The following CD80 variants were observed in gnomAD, a reference collection of about 807,000 sequenced individuals.
CD80 encodes the protein T-lymphocyte activation antigen CD80.
CD80 carries 13 observed loss-of-function variants against 27.1 expected under a neutral mutation model. The ratio of observed to expected loss-of-function variants is 0.48; its 90% CI spans 0.31 to 0.76. The LOEUF is 0.76. Among genes scored for constraint, CD80 ranks in the 30% least tolerant of loss-of-function variants. The pLI is 0.04. For synonymous variants in CD80, 125 were observed against 125.5 expected (o/e 1.00, Z 0.03); for missense variants, 277 against 347.9 (o/e 0.80, Z 1.62).
intron 6 of CD80, 103 bp downstream of exon 6, chr3:119,527,630 T>C (rs77922702): frequency 0.058 from 35,890 of 619,718 alleles, 1,248 homozygotes; most frequent in Middle Eastern, 0.089. Flanking sequence ...AAAGAGGTTT[T>C]TAAGAAGGTG....
Position 119,527,773 on chromosome 3 carries a change from A to G in CD80, c.865T>C (p.Ter289GlnextTer12), listed in dbSNP as rs371086780. 6.2e-7 allele frequency: 1 copy of G among 1,613,342 alleles called. No homozygotes were observed. The highest frequency in any genetic ancestry group is 1.3e-5 in the African/African-American group (1 of 74,900). The stretch of plus-strand genomic sequence containing the variant: ...GCCCCTTGCTTCTGCGGACACTGTT[A>G]TACAGGGCGTACACTTTCCCTTCTC... ...RLRRESVRPV[*>Q] Residue 289 changes from the stop codon to glutamine, a stop_lost, in exon 6 of 7, where the codon TAA becomes CAA. Coordinates refer to ENST00000264246, the MANE Select transcript of CD80 (RefSeq NM_005191.4).
At chr3:119,527,041 AATT>A (rs1323048575) in intron 6 of CD80, among the ~76,000 whole-genome samples, 2 of 152,140 alleles carry the variant, frequency 1.3e-5, no homozygotes, top group African/African-American at 4.8e-5. Flanking sequence ...CCCAGATAAT[AATT>A]ATCTCATTGT....
chr3:119,536,478 C>A (rs2107741835), intron 4 of CD80, among the ~76,000 whole-genome samples: 1 of 152,102 alleles, frequency 6.6e-6, no homozygotes, highest in South Asian at 2.1e-4. Context: ...GTACCTAGGA[C>A]TACACATGTG....
chr3:119,550,354 A>G (rs1271210065), intron 2 of CD80, among the ~76,000 whole-genome samples: 1 of 152,194 alleles, frequency 6.6e-6, no homozygotes, highest in Non-Finnish European at 1.5e-5. Flanking sequence ...AAGAGAGACT[A>G]TCTAATTTTG....
rs182110369 is a variant in CD80 at position 119,529,411 on chromosome 3, C to T, written c.796+431G>A. 2.0e-5 allele frequency among the ~76,000 whole-genome samples: 3 copies of T among 152,206 alleles called. No homozygotes were observed. The East Asian group carries it at 5.8e-4, about 29-fold the overall frequency. ...ATTAGAATATCAGCAGGATGGTGGC[C>T]ATGGAAGTTGGAATTCACTAAGGAG... On this transcript the variant is annotated intron_variant, in intron 5 of 6. Coordinates refer to ENST00000264246, the MANE Select transcript of CD80 (RefSeq NM_005191.4).
chr3:119,550,052 A>C (rs2082223125), intron 2 of CD80, among the ~76,000 whole-genome samples: 1 of 152,308 alleles, frequency 6.6e-6, no homozygotes, highest in African/African-American at 2.4e-5. Flanking sequence ...AGTTCAATTA[A>C]ATGATATAAA....
At chr3:119,545,362 A>C (rs1483349918) in intron 2 of CD80, among the ~76,000 whole-genome samples, 1 of 152,068 alleles carries the variant, frequency 6.6e-6, no homozygotes, top group Non-Finnish European at 1.5e-5. Flanking sequence ...ACAAACAAAC[A>C]CATAACATAA....
chr3:119,527,370 A>G (rs1577105936), intron 6 of CD80: 1 of 171,898 alleles, frequency 5.8e-6, no homozygotes, highest in South Asian at 1.9e-4. Context: ...GTGTTAATAC[A>G]AAGTGACCCC....
At chr3:119,533,141 G>T (rs1040566783) in intron 4 of CD80, among the ~76,000 whole-genome samples, 1 of 152,194 alleles carries the variant, frequency 6.6e-6, no homozygotes, top group Non-Finnish European at 1.5e-5. Context: ...CCTAGAGAGA[G>T]TATGTGTGTG....
intron 4 of CD80, among the ~76,000 whole-genome samples, chr3:119,535,100 G>A (rs1220881737): frequency 1.3e-5 from 2 of 151,798 alleles, no homozygotes; most frequent in East Asian, 3.9e-4. Context: ...GCTGAGACAG[G>A]AGAATTGCTT....
chr3:119,540,455 T>C (rs2082161454), intron 3 of CD80, among the ~76,000 whole-genome samples: 1 of 152,124 alleles, frequency 6.6e-6, no homozygotes, highest in Admixed American at 6.5e-5. Context: ...CTTTTTTTTT[T>C]GTTTGTTTCA....
At chr3:119,543,303 C>T (rs752499280) in intron 3 of CD80, among the ~76,000 whole-genome samples, 1 of 152,174 alleles carries the variant, frequency 6.6e-6, no homozygotes, top group African/African-American at 2.4e-5. Context: ...ACCAGAAATG[C>T]TTGCCTTCCA....
chr3:119,529,749 G>A (rs562806378), intron 5 of CD80, 93 bp downstream of exon 5: 11 of 823,498 alleles, frequency 1.3e-5, no homozygotes, highest in Middle Eastern at 2.4e-4. Context: ...CATGAGAAGC[G>A]AATAGGCTAA....
Position 119,557,931 on chromosome 3 carries a change from G to C in CD80, c.-200-3C>G, listed in dbSNP as rs750081093. On this transcript the variant is annotated splice_polypyrimidine_tract_variant and splice_region_variant and intron_variant, in intron 1 of 6. Coordinates refer to ENST00000264246, the MANE Select transcript of CD80 (RefSeq NM_005191.4). ...GGTTGTGGATTTAGTTTCACAGCCTGAAAAAGGAACAAATAAAAGTCATTC... is the reference window on the plus strand; with the variant it reads ...GGTTGTGGATTTAGTTTCACAGCCTCAAAAAGGAACAAATAAAAGTCATTC... 7.6e-6 allele frequency: 3 copies of C among 396,744 alleles called. No individual in the cohort carries two copies. Among genetic ancestry groups the C allele is most frequent in the Non-Finnish European group, 1.3e-5 (3 of 223,638 alleles). 24.6% of individuals were successfully genotyped at this position (396,744 alleles called of 1,614,324 possible).
intron 2 of CD80, among the ~76,000 whole-genome samples, chr3:119,547,153 A>G (rs575277758): frequency 7.3e-4 from 111 of 152,332 alleles, no homozygotes; most frequent in African/African-American, 2.7e-3. Flanking sequence ...TTGGTATAGA[A>G]AGAACATGGG....
rs1431624310 is a variant in CD80 at position 119,537,275 on chromosome 3, T to C, written c.562A>G (p.Thr188Ala). The change falls in exon 4 of 7, where the codon ACA (threonine) becomes GCA (alanine). Residue 188 changes from threonine to alanine, a missense_variant. Thr to Ala is a moderately conservative substitution (Grantham distance 58). Transcript: ENST00000264246. Reference protein sequence around the residue: ...NGEELNAINTTVSQDPETELY... With the variant: ...NGEELNAINTAVSQDPETELY... Reference sequence around the variant, plus strand: ...TCAGTTTCAGGATCTTGGGAAACTGTTGTGTTGATGGCATTTAATTCTTCT... The same window carrying C: ...TCAGTTTCAGGATCTTGGGAAACTGCTGTGTTGATGGCATTTAATTCTTCT... The C allele has an allele frequency of 6.2e-7, 1 of 1,613,954 alleles. No homozygotes were observed. Among genetic ancestry groups the C allele is most frequent in the East Asian group, 2.2e-5 (1 of 44,876 alleles).
intron 2 of CD80, 52 bp from the exon 3 acceptor site, chr3:119,544,919 T>G: frequency 6.8e-7 from 1 of 1,472,642 alleles, no homozygotes; most frequent in Non-Finnish European, 9.3e-7. Context: ...TACAGATTCC[T>G]GCATGGTCAG....
chr3:119,534,403 A>AAG, intron 4 of CD80, among the ~76,000 whole-genome samples: 1 of 151,950 alleles, frequency 6.6e-6, no homozygotes, highest in Non-Finnish European at 1.5e-5. Context: ...GAAAAAAAAA[A>AAG]GAAAAATTTT....
At chr3:119,531,169 T>C (rs1367556797) in intron 4 of CD80, among the ~76,000 whole-genome samples, 1 of 152,268 alleles carries the variant, frequency 6.6e-6, no homozygotes, top group Non-Finnish European at 1.5e-5. Context: ...CACCTTCTTT[T>C]TCAGTCAGAG....
Sources: gnomAD v4.1 joint callset for allele counts (sites outside exome capture counted in the v4.1 genomes callset) on GRCh38, gnomAD v4.1.1 for gene constraint, MANE v1.5 for transcripts, NCBI Gene and HGNC (gene_info 2026-07-23, HGNC 2026-07-21) for gene names.